The following N4BP2 variants were observed in gnomAD, a reference collection of about 807,000 sequenced individuals.
N4BP2 encodes NEDD4-binding protein 2.
Under a neutral mutation model 152.8 loss-of-function variants are expected in N4BP2, and 91 were observed. The observed-to-expected ratio is 0.60, with a 90% CI of 0.50 to 0.71. The LOEUF (loss-of-function observed/expected upper bound fraction) is 0.71, where lower values mean the gene tolerates loss of function less well. Among genes scored for constraint, N4BP2 ranks in the 30% least tolerant of loss-of-function variants. The pLI, the probability that N4BP2 is intolerant of heterozygous loss-of-function variation, is 0.00. For synonymous variants in N4BP2, 646 were observed against 705.3 expected (o/e 0.92, Z 1.33); for missense variants, 1,923 against 2,059.1 (o/e 0.93, Z 1.28).
the N4BP2 span, among the ~76,000 whole-genome samples, chr4:40,171,966 G>A: frequency 4.6e-5 from 7 of 152,178 alleles, no homozygotes; most frequent in Admixed American, 1.3e-4. Context: ...AGTGCAGTAG[G>A]CGCGATCTCA....
Position 40,157,913 on chromosome 4 carries a change from T to C in N4BP2, c.*3676T>C, listed in dbSNP as rs1721727693. The stretch of plus-strand genomic sequence containing the variant: ...CACATCTACATCCTGAAGAGCCGTT[T>C]ATAACTTCATATTATATGATGACAA... On this transcript the variant is annotated 3_prime_UTR_variant, in exon 18 of 18. Coordinates refer to ENST00000261435, the MANE Select transcript of N4BP2 (RefSeq NM_018177.6). The C allele has an allele frequency of 1.3e-5, 2 of 152,204 alleles. No homozygotes were observed. The allele number at this position is 152,204 out of a possible 1,614,324, so 9.4% of individuals were successfully genotyped here.
chr4:40,189,943 CAT>C, the N4BP2 span, among the ~76,000 whole-genome samples: 9 of 151,686 alleles, frequency 5.9e-5, no homozygotes, highest in East Asian at 5.8e-4. This position sits in a 1 kb window ranked among gnomAD's most constrained non-coding sequence, Gnocchi z 4.3. Context: ...CACACACAAA[CAT>C]AAAATAAGAC....
chr4:40,136,880 G>C, intron 13 of N4BP2, 64 bp from the exon 14 acceptor site: 1 of 1,251,660 alleles, frequency 8.0e-7, no homozygotes, highest in Non-Finnish European at 1.1e-6. Context: ...GATTGCTTGT[G>C]TTAATGTCCC....
At chr4:40,180,348 C>T in the N4BP2 span, among the ~76,000 whole-genome samples, 16,020 of 152,126 alleles carry the variant, frequency 0.11, 1,361 homozygotes, top group East Asian at 0.45. Context: ...ATCAGCAAGA[C>T]ACCACTTTTC....
intron 2 of N4BP2, among the ~76,000 whole-genome samples, chr4:40,091,381 A>G (rs1714529635): frequency 6.6e-6 from 1 of 152,074 alleles, no homozygotes; most frequent in Non-Finnish European, 1.5e-5. Flanking sequence ...TACAAATACA[A>G]TGTCAGCTGT....
intron 7 of N4BP2, among the ~76,000 whole-genome samples, chr4:40,115,812 G>C (rs1056526218): frequency 2.6e-5 from 4 of 152,028 alleles, no homozygotes; most frequent in Non-Finnish European, 5.9e-5. Flanking sequence ...TGATAAGAAT[G>C]TACATGATTA....
intron 11 of N4BP2, 129 bp from the exon 12 acceptor site, chr4:40,126,005 G>T: frequency 2.0e-6 from 1 of 499,398 alleles, no homozygotes; most frequent in Non-Finnish European, 3.5e-6. Flanking sequence ...TTTCAGAGTT[G>T]TGTTATATTT....
Position 40,097,384 on chromosome 4 carries a change from A to C in N4BP2, c.44A>C (p.Lys15Thr). The change falls in exon 3 of 18, where the codon AAG becomes ACG. Residue 15 changes from lysine to threonine, a missense_variant. Coordinates refer to ENST00000261435, the MANE Select transcript of N4BP2 (RefSeq NM_018177.6). ...RKNLGGNPFRKTANPKEVVVS... is the reference protein window; with the variant it reads ...RKNLGGNPFRTTANPKEVVVS... Reference sequence around the variant, plus strand: ...AATCTTGGGGGAAATCCTTTTCGGAAGACTGCAAACCCTAAGGAAGTTGTC... The same window carrying C: ...AATCTTGGGGGAAATCCTTTTCGGACGACTGCAAACCCTAAGGAAGTTGTC... The C allele has an allele frequency of 6.2e-7, 1 of 1,614,040 alleles. No individual in the cohort carries two copies. Among genetic ancestry groups the C allele is most frequent in the South Asian group, 1.1e-5 (1 of 91,068 alleles).
At chr4:40,069,539 G>A (rs1711939374) in intron 1 of N4BP2, among the ~76,000 whole-genome samples, 1 of 152,038 alleles carries the variant, frequency 6.6e-6, no homozygotes, top group Non-Finnish European at 1.5e-5. Context: ...TTTGAAATAT[G>A]GAGTGTGCCC....
Position 40,102,671 on chromosome 4 carries a change from G to A in N4BP2, c.826G>A (p.Glu276Lys). The A allele has an allele frequency of 3.1e-6, 5 of 1,614,188 alleles. No homozygotes were observed. The highest frequency in any genetic ancestry group is 4.2e-6 in the Non-Finnish European group (5 of 1,180,048). ...AGAACTTTTAGAATCTGAGTGCGTT[G>A]AGGCTCAATTCTCTGAAGCTCCTGT... ...QKELLESECVEAQFSEAPVDL... is the reference protein window; with the variant it reads ...QKELLESECVKAQFSEAPVDL... The change falls in exon 4 of 18, where the codon GAG becomes AAG. Residue 276 changes from glutamate to lysine, a missense_variant. Physicochemically the swap from Glu to Lys is moderately conservative, Grantham distance 56 (BLOSUM62 1). Transcript: ENST00000261435.
At chr4:40,143,476 G>C (rs777440987) in intron 15 of N4BP2, among the ~76,000 whole-genome samples, 1 of 152,038 alleles carries the variant, frequency 6.6e-6, no homozygotes, top group Non-Finnish European at 1.5e-5. Flanking sequence ...ACCAGGCCCA[G>C]CTAATTTTTG....
chr4:40,121,980 T>C lies in N4BP2; in HGVS notation c.3869T>C (p.Phe1290Ser), dbSNP rs1463276101. The C allele has an allele frequency of 3.2e-6, 5 of 1,551,034 alleles. No homozygotes were observed. The highest frequency in any genetic ancestry group is 4.4e-6 in the Non-Finnish European group (5 of 1,147,008). Residue 1290 changes from phenylalanine to serine, a missense_variant, in exon 9 of 18, where the codon TTT becomes TCT. Transcript: ENST00000261435. ...TCACATTTCTCTGATATTTTTAACT[T>C]TGTATCTAGTACTTCAAATCTTGAA... is the stretch of plus-strand genomic sequence containing the variant. ...SPSHFSDIFN[F>S]VSSTSNLELN...
chr4:40,132,769 T>C lies in N4BP2; in HGVS notation c.4646+850T>C, dbSNP rs576200589. On this transcript the variant is annotated intron_variant, in intron 13 of 17. Transcript: ENST00000261435. ...TCTAATATAGATTTTGATCTTTAGT[T>C]TATTAATATATTTCATATCAATCAC... Among the ~76,000 whole-genome samples the C allele has an allele frequency of 2.6e-5, 4 of 152,276 alleles. No individual in the cohort carries two copies. The South Asian group carries it at 8.3e-4, about 32-fold the overall frequency.
chr4:40,139,491 C>CT (rs1226118008), intron 14 of N4BP2, among the ~76,000 whole-genome samples: 12,182 of 125,738 alleles, frequency 0.097, 725 homozygotes, highest in East Asian at 0.13. Flanking sequence ...CAGCATTAGG[C>CT]TTTTTTTTTT....
intron 3 of N4BP2, among the ~76,000 whole-genome samples, chr4:40,101,716 T>C (rs1209507935): frequency 6.6e-6 from 1 of 152,224 alleles, no homozygotes; most frequent in East Asian, 1.9e-4. Flanking sequence ...TAGGTAAGTA[T>C]TTGTTAAACA....
At chr4:40,076,481 A>G (rs1712744463) in intron 2 of N4BP2, among the ~76,000 whole-genome samples, 2 of 152,168 alleles carry the variant, frequency 1.3e-5, no homozygotes, top group Non-Finnish European at 2.9e-5. Context: ...GTGTCAAAAA[A>G]AACCCAAAAA....
chr4:40,113,422 T>C lies in N4BP2; in HGVS notation c.1588-10T>C, dbSNP rs369230455. 7 of 1,585,812 alleles carry C rather than the reference T, an allele frequency of 4.4e-6. No homozygotes were observed. The highest frequency in any genetic ancestry group is 4.0e-5 in the African/African-American group (3 of 74,328). On this transcript the variant is annotated splice_polypyrimidine_tract_variant and intron_variant, in intron 6 of 17. Coordinates refer to ENST00000261435, the MANE Select transcript of N4BP2 (RefSeq NM_018177.6). ...CTATTTTAAAATGTTTTTGTCTTTGTTGTATGTAGTCTCAGAAACACAAAT... is the reference window on the plus strand; with the variant it reads ...CTATTTTAAAATGTTTTTGTCTTTGCTGTATGTAGTCTCAGAAACACAAAT...
chr4:40,132,109 A>G (rs1718956172), intron 13 of N4BP2, among the ~76,000 whole-genome samples, 190 bp downstream of exon 13: 1 of 152,174 alleles, frequency 6.6e-6, no homozygotes, highest in Non-Finnish European at 1.5e-5. Flanking sequence ...TACCCTCTAT[A>G]TACTATGTTT....
intron 2 of N4BP2, among the ~76,000 whole-genome samples, chr4:40,083,409 T>C (rs1244578401): frequency 6.6e-6 from 1 of 152,182 alleles, no homozygotes; most frequent in African/African-American, 2.4e-5. Context: ...TTATTCACCA[T>C]AGCCAAAAAG....
Sources: allele counts gnomAD v4.1 joint callset (sites outside exome capture counted in the v4.1 genomes callset), GRCh38; gene constraint gnomAD v4.1.1; non-coding constraint Gnocchi (gnomAD v3.1); transcripts MANE v1.5; gene names NCBI Gene and HGNC (gene_info 2026-07-23, HGNC 2026-07-21).